DPP10: variants seen among roughly 807,000 people sequenced by gnomAD.
The protein encoded by DPP10 is inactive dipeptidyl peptidase 10.
In DPP10, 33 loss-of-function variants were observed where a neutral mutation model predicts 120.9. That is an observed-to-expected ratio of 0.27 (90% CI 0.21 to 0.37). The LOEUF is 0.37. Ranked by LOEUF, DPP10 falls within the 10% of genes least tolerant of loss-of-function variation. The pLI, the probability that DPP10 is intolerant of heterozygous loss-of-function variation, is 1.00. For missense variants in DPP10, 816 were observed against 942.8 expected (o/e 0.87, Z 1.76); for synonymous variants, 337 against 326.1 (o/e 1.03, Z -0.36).
At chr2:115,434,344 G>A (rs114368872) in intron 3 of DPP10, among the ~76,000 whole-genome samples, 10,424 of 151,772 alleles carry the variant, frequency 0.069, 457 homozygotes, top group Middle Eastern at 0.13. Flanking sequence ...TTTATTAAAC[G>A]TAGTTGACTG....
At chr2:114,935,106 G>A (rs1231248789) in intron 1 of DPP10, among the ~76,000 whole-genome samples, 1 of 152,086 alleles carries the variant, frequency 6.6e-6, no homozygotes, top group Non-Finnish European at 1.5e-5. Flanking sequence ...ATGTAACCAT[G>A]TCATTCATTC....
intron 1 of DPP10, among the ~76,000 whole-genome samples, chr2:114,649,450 G>A (rs902263881): frequency 6.6e-6 from 1 of 151,624 alleles, no homozygotes; most frequent in Non-Finnish European, 1.5e-5. Flanking sequence ...CCGGGTTCAC[G>A]CCATTCTCCT....
intron 10 of DPP10, chr2:115,750,025 TA>T: frequency 1.0e-6 from 1 of 985,342 alleles, no homozygotes; most frequent in South Asian, 4.7e-5. Context: ...ACTTCCTGGG[TA>T]ATCCAGAGCC....
intron 1 of DPP10, among the ~76,000 whole-genome samples, chr2:114,765,429 C>T (rs1363406591): frequency 6.6e-6 from 1 of 152,086 alleles, no homozygotes; most frequent in East Asian, 1.9e-4. Context: ...CTCATTCATT[C>T]TGTAAGTGAG....
chr2:115,588,660 C>A (rs908607275), intron 5 of DPP10, among the ~76,000 whole-genome samples: 4 of 152,206 alleles, frequency 2.6e-5, no homozygotes, highest in Non-Finnish European at 5.9e-5. Context: ...GATGCAAAGG[C>A]AAATGCTTTT....
intron 1 of DPP10, among the ~76,000 whole-genome samples, chr2:114,713,907 C>T (rs1377734354): frequency 6.6e-6 from 1 of 151,552 alleles, no homozygotes; most frequent in Non-Finnish European, 1.5e-5. Context: ...ATCTCTTGAA[C>T]TCAGGAGGCG....
intron 1 of DPP10, among the ~76,000 whole-genome samples, chr2:115,286,738 A>G (rs986411554): frequency 3.3e-5 from 5 of 151,194 alleles, no homozygotes; most frequent in Admixed American, 6.6e-5. Context: ...GAAATTGCTC[A>G]TTAGTTTGAA....
At chr2:115,171,497 T>C (rs1452113249) in intron 1 of DPP10, among the ~76,000 whole-genome samples, 2 of 152,122 alleles carry the variant, frequency 1.3e-5, no homozygotes, top group African/African-American at 2.4e-5. Context: ...TCAGAGAAAC[T>C]GTTGTTTCCT....
intron 1 of DPP10, among the ~76,000 whole-genome samples, chr2:115,181,960 A>G (rs2054109359): frequency 6.6e-6 from 1 of 152,242 alleles, no homozygotes; most frequent in African/African-American, 2.4e-5. Context: ...GTTAGCCATA[A>G]TCTATCAACA....
At chr2:115,461,654 C>T (rs1228883999) in intron 3 of DPP10, among the ~76,000 whole-genome samples, 1 of 152,086 alleles carries the variant, frequency 6.6e-6, no homozygotes, top group Non-Finnish European at 1.5e-5. Flanking sequence ...TAAATATATA[C>T]ATTTTTTCCA....
At chr2:114,538,712 C>T (rs1024003929) in intron 1 of DPP10, among the ~76,000 whole-genome samples, 2 of 152,150 alleles carry the variant, frequency 1.3e-5, no homozygotes, top group Non-Finnish European at 2.9e-5. Flanking sequence ...GTTCTTGCTA[C>T]TAATTTAGCG....
intron 2 of DPP10, among the ~76,000 whole-genome samples, chr2:115,343,119 T>G (rs1404495320): frequency 1.3e-5 from 2 of 152,164 alleles, no homozygotes. Flanking sequence ...TGTAAAAGGG[T>G]GTTTGTAATG....
Position 115,826,245 on chromosome 2 carries a change from A to G in DPP10, c.1951-9912A>G, listed in dbSNP as rs150078479. Among the ~76,000 whole-genome samples, 458 of 152,336 alleles carry G rather than the reference A, an allele frequency of 3.0e-3. 1 individual carries two copies. The highest frequency in any genetic ancestry group is 5.3e-3 in the Non-Finnish European group (360 of 68,034). ...CTGGTCCGTTGAGGCCTAGTGCAGT[A>G]GCTTAGTTCAAAACAATGACTTCCT... On this transcript the variant is annotated intron_variant, in intron 21 of 25. Coordinates refer to ENST00000410059, the MANE Select transcript of DPP10 (RefSeq NM_020868.6).
chr2:115,331,449 C>T (rs547162424), intron 2 of DPP10, among the ~76,000 whole-genome samples: 1 of 152,286 alleles, frequency 6.6e-6, no homozygotes, highest in East Asian at 1.9e-4. Flanking sequence ...GCCAGAACTT[C>T]CAGCACTATG....
chr2:115,482,073 T>G (rs13027502), intron 3 of DPP10, among the ~76,000 whole-genome samples: 41,002 of 151,820 alleles, frequency 0.27, 6,447 homozygotes, highest in East Asian at 0.41. Context: ...ACCAGTAGTT[T>G]CGGTTTTACA....
chr2:115,162,210 T>G (rs1204838886), intron 1 of DPP10: 1 of 1,556,502 alleles, frequency 6.4e-7, no homozygotes, highest in Non-Finnish European at 8.7e-7. Flanking sequence ...AGCCTCTGCG[T>G]GCGCTCCGGG....
At chr2:115,260,819 T>C (rs180870596) in intron 1 of DPP10, among the ~76,000 whole-genome samples, 1 of 152,332 alleles carries the variant, frequency 6.6e-6, no homozygotes, top group Non-Finnish European at 1.5e-5. Context: ...TGGGGCAGTA[T>C]ACTTTTAAAG....
chr2:115,565,117 A>AC (rs1213955764), intron 5 of DPP10, among the ~76,000 whole-genome samples: 1 of 152,188 alleles, frequency 6.6e-6, no homozygotes. Flanking sequence ...AGAAGTTAGC[A>AC]AACACTGAGC....
At chr2:115,301,803 G>A (rs751316093) in intron 1 of DPP10, among the ~76,000 whole-genome samples, 17 of 152,064 alleles carry the variant, frequency 1.1e-4, no homozygotes, top group Non-Finnish European at 2.4e-4. Context: ...AATCACAGTT[G>A]CTTAGTCCTG....
Sources: allele counts gnomAD v4.1 joint callset (sites outside exome capture counted in the v4.1 genomes callset), GRCh38; gene constraint gnomAD v4.1.1; transcripts MANE v1.5; gene names NCBI Gene and HGNC (gene_info 2026-07-23, HGNC 2026-07-21).